PRDM1: variants seen among roughly 807,000 people sequenced by gnomAD.
PRDM1 encodes PR domain zinc finger protein 1.
PRDM1 carries 13 observed loss-of-function variants against 62.8 expected under a neutral mutation model. The ratio of observed to expected loss-of-function variants is 0.21; its 90% CI spans 0.13 to 0.33. PRDM1 has a LOEUF of 0.33. Ranked by LOEUF, PRDM1 falls within the 10% of genes least tolerant of loss-of-function variation. PRDM1 has a pLI of 1.00. For synonymous variants in PRDM1, 396 were observed against 417.6 expected, an observed-to-expected ratio of 0.95 and a Z score of 0.63; for missense variants, 895 against 1,058.8, an observed-to-expected ratio of 0.85 and a Z score of 2.15.
chr6:105,997,936 G>GTACCT (rs1282550763), intron 1 of PRDM1, among the ~76,000 whole-genome samples: 1 of 152,190 alleles, frequency 6.6e-6, no homozygotes, highest in African/African-American at 2.4e-5. Context: ...CTTCAAAAAT[G>GTACCT]TACCTTAATA....
intron 1 of PRDM1, among the ~76,000 whole-genome samples, chr6:106,018,764 T>C (rs1184873704): frequency 6.6e-6 from 1 of 152,176 alleles, no homozygotes; most frequent in African/African-American, 2.4e-5. Flanking sequence ...ACATGACTTA[T>C]CACTGTCGAC....
upstream of PRDM1, among the ~76,000 whole-genome samples, chr6:106,081,604 G>A (rs923652322): frequency 6.6e-6 from 1 of 152,190 alleles, no homozygotes; most frequent in Non-Finnish European, 1.5e-5. Flanking sequence ...AATGGGAGTT[G>A]GGGGCTGGGG....
chr6:106,065,004 C>T (rs1355596807), intron 1 of PRDM1, among the ~76,000 whole-genome samples: 1 of 152,152 alleles, frequency 6.6e-6, no homozygotes, highest in Non-Finnish European at 1.5e-5. Context: ...ATGTGACTAA[C>T]TGTGCACAGA....
At chr6:106,054,899 C>T (rs187789132) in intron 1 of PRDM1, among the ~76,000 whole-genome samples, 1 of 152,328 alleles carries the variant, frequency 6.6e-6, no homozygotes, top group East Asian at 1.9e-4. Context: ...GATCCTTTGA[C>T]AGAGTGGATA....
intron 1 of PRDM1, among the ~76,000 whole-genome samples, chr6:106,079,313 G>GA (rs1009173983): frequency 2.0e-5 from 3 of 150,450 alleles, no homozygotes; most frequent in East Asian, 3.9e-4. Flanking sequence ...ATCAGTGAGG[G>GA]AAAAAAAAAT....
At chr6:106,095,235 T>A (rs1309770919) in intron 2 of PRDM1, among the ~76,000 whole-genome samples, 4 of 152,178 alleles carry the variant, frequency 2.6e-5, no homozygotes, top group Admixed American at 2.6e-4. Context: ...AATAGGAAAC[T>A]AGGAACAGGC....
At chr6:105,998,807 G>A (rs1260789420) in intron 1 of PRDM1, among the ~76,000 whole-genome samples, 2 of 151,268 alleles carry the variant, frequency 1.3e-5, no homozygotes, top group East Asian at 1.9e-4. Context: ...GCCTCTGCCA[G>A]GCTGGTAATA....
chr6:106,010,356 C>T (rs767581742), intron 1 of PRDM1, among the ~76,000 whole-genome samples: 1 of 152,120 alleles, frequency 6.6e-6, no homozygotes, highest in Admixed American at 6.5e-5. Flanking sequence ...CATAATCATA[C>T]ATATTTTATA....
chr6:106,078,732 G>T (rs1225870420), intron 1 of PRDM1, among the ~76,000 whole-genome samples: 1 of 152,064 alleles, frequency 6.6e-6, no homozygotes, highest in Non-Finnish European at 1.5e-5. Context: ...AATTAGCTGG[G>T]TGTGGTAGTG....
intron 1 of PRDM1, among the ~76,000 whole-genome samples, chr6:106,074,114 G>A (rs1773563736): frequency 6.6e-6 from 1 of 152,174 alleles, no homozygotes; most frequent in East Asian, 1.9e-4. Context: ...TAATTACAAG[G>A]CCACTATAGC....
At chr6:106,054,854 T>C (rs1582441556) in intron 1 of PRDM1, among the ~76,000 whole-genome samples, 1 of 152,232 alleles carries the variant, frequency 6.6e-6, no homozygotes, top group African/African-American at 2.4e-5. Context: ...GAGAATAGTG[T>C]ATATGTGTTC....
intron 1 of PRDM1, among the ~76,000 whole-genome samples, chr6:106,006,921 G>A (rs956922456): frequency 2.6e-5 from 4 of 151,916 alleles, no homozygotes; most frequent in Non-Finnish European, 5.9e-5. Flanking sequence ...ATCGTTTATG[G>A]CACTTGTGTG....
intron 1 of PRDM1, among the ~76,000 whole-genome samples, chr6:106,037,730 TG>T (rs1396980421): frequency 2.0e-5 from 3 of 152,118 alleles, no homozygotes; most frequent in Admixed American, 1.3e-4. Flanking sequence ...TTTTTATTGC[TG>T]TTTCCATTCT....
chr6:106,034,987 C>T (rs1772904869), intron 1 of PRDM1, among the ~76,000 whole-genome samples: 1 of 152,304 alleles, frequency 6.6e-6, no homozygotes, highest in South Asian at 2.1e-4. Flanking sequence ...GGAGAATGTG[C>T]TGTGCACACT....
chr6:106,072,650 G>A (rs1773537350), intron 1 of PRDM1, among the ~76,000 whole-genome samples: 1 of 152,262 alleles, frequency 6.6e-6, no homozygotes, highest in South Asian at 2.1e-4. Flanking sequence ...GCCCGGATGT[G>A]TGTGTGGCTT....
At chr6:106,097,898 A>G (rs1382258880) in intron 3 of PRDM1, among the ~76,000 whole-genome samples, 1 of 152,162 alleles carries the variant, frequency 6.6e-6, no homozygotes, top group African/African-American at 2.4e-5. Context: ...GCCTTGTTCC[A>G]TTTTCTCTTA....
chr6:105,998,266 T>G (rs1380662566), intron 1 of PRDM1, among the ~76,000 whole-genome samples: 1 of 152,154 alleles, frequency 6.6e-6, no homozygotes, highest in Non-Finnish European at 1.5e-5. Flanking sequence ...GAAAGGATAC[T>G]TTAAGCTGTG....
chr6:106,049,251 A>G (rs771169419), intron 1 of PRDM1, among the ~76,000 whole-genome samples: 28 of 152,234 alleles, frequency 1.8e-4, no homozygotes, highest in Non-Finnish European at 3.7e-4. Flanking sequence ...CCCAAAGCCA[A>G]TTATGTTACC....
chr6:106,092,171 C>CA (rs968990866), intron 2 of PRDM1, among the ~76,000 whole-genome samples: 1 of 126,302 alleles, frequency 7.9e-6, no homozygotes, highest in African/African-American at 2.9e-5. Context: ...TCCTTGTTAT[C>CA]AGCCTTCCAT....
Sources: gnomAD v4.1 joint callset for allele counts (sites outside exome capture counted in the v4.1 genomes callset) on GRCh38, gnomAD v4.1.1 for gene constraint, MANE v1.5 for transcripts, NCBI Gene and HGNC (gene_info 2026-07-23, HGNC 2026-07-21) for gene names.